Variants in ERCC6L2 observed in about 807,000 individuals in gnomAD.
ERCC6L2 encodes the protein ERCC excision repair 6 like 2, also known as DNA excision repair protein ERCC-6-like 2.
ERCC6L2 carries 77 observed loss-of-function variants against 132.0 expected under a neutral mutation model. The ratio of observed to expected loss-of-function variants is 0.58; its 90% CI spans 0.49 to 0.71. The LOEUF (loss-of-function observed/expected upper bound fraction) is 0.71, where lower values mean the gene tolerates loss of function less well. ERCC6L2 is among the 30% of genes least tolerant of loss of function. ERCC6L2 has a pLI of 0.00. For missense variants in ERCC6L2, 1,542 were observed against 1,837.6 expected, an observed-to-expected ratio of 0.84 and a Z score of 2.94; for synonymous variants, 583 against 632.4, an observed-to-expected ratio of 0.92 and a Z score of 1.17.
intron 18 of ERCC6L2, among the ~76,000 whole-genome samples, chr9:96,008,747 G>T (rs574459725): frequency 6.6e-6 from 1 of 152,336 alleles, no homozygotes; most frequent in South Asian, 2.1e-4. Flanking sequence ...AAGAGTAATC[G>T]TGTTATCTTG....
intron 4 of ERCC6L2, among the ~76,000 whole-genome samples, chr9:95,907,857 C>CACAAACACACACACACACACA: frequency 4.5e-4 from 60 of 133,738 alleles, no homozygotes; most frequent in Non-Finnish European, 6.6e-4. Context: ...ACACACACAC[C>CACAAACACACACACACACACA]CCCACACCCA....
At chr9:96,002,297 G>T (rs1444419109) in intron 17 of ERCC6L2, among the ~76,000 whole-genome samples, 2 of 152,192 alleles carry the variant, frequency 1.3e-5, no homozygotes, top group Admixed American at 6.5e-5. Context: ...GTTTAACTGG[G>T]TATAGAATTC....
chr9:95,962,799 A>G (rs1318445485), intron 13 of ERCC6L2, among the ~76,000 whole-genome samples: 1 of 152,196 alleles, frequency 6.6e-6, no homozygotes, highest in Non-Finnish European at 1.5e-5. Context: ...TCGTAAGTCC[A>G]AAACTCACTT....
At chr9:95,907,855 A>ACACC (rs1268642228) in intron 4 of ERCC6L2, among the ~76,000 whole-genome samples, 26 of 103,760 alleles carry the variant, frequency 2.5e-4, no homozygotes, top group African/African-American at 7.5e-4. Context: ...ACACACACAC[A>ACACC]CCCCCACACC....
At chr9:96,004,394 A>G (rs1833791441) in intron 17 of ERCC6L2, 126 bp from the exon 18 acceptor site, 3 of 462,794 alleles carry the variant, frequency 6.5e-6, no homozygotes, top group Admixed American at 3.8e-5. Flanking sequence ...TCTGACATTG[A>G]TTTCAGTTGG....
chr9:96,007,519 T>G (rs1833900283), intron 18 of ERCC6L2, among the ~76,000 whole-genome samples: 2 of 152,142 alleles, frequency 1.3e-5, no homozygotes, highest in South Asian at 4.2e-4. Flanking sequence ...ATGGCATAAA[T>G]GTTAAAGAGG....
intron 2 of ERCC6L2, among the ~76,000 whole-genome samples, chr9:95,894,455 A>T (rs1828338024): frequency 6.6e-6 from 1 of 151,996 alleles, no homozygotes; most frequent in Admixed American, 6.6e-5. Context: ...TTACTGTCCA[A>T]ACATTTGGAG....
chr9:95,952,166 T>TA lies in ERCC6L2; in HGVS notation c.1848-3729dup, dbSNP rs57310402. Among the ~76,000 whole-genome samples, 138 of 57,712 alleles carry TA rather than the reference T, an allele frequency of 2.4e-3. 4 individuals are homozygous for TA. The East Asian group carries it at 0.039, about 16-fold the overall frequency. The allele number at this position is 57,712 out of a possible 152,430, so 37.9% of individuals were successfully genotyped here. A position where few individuals can be genotyped will look rare whatever the true frequency, so the allele number is the denominator to read the frequency against. On this transcript the variant is annotated intron_variant, in intron 12 of 18. Coordinates refer to ENST00000653738, the MANE Select transcript of ERCC6L2 (RefSeq NM_020207.7). ...CTGGCAACAGAGTGAGACTCCATCT[T>TA]AAAAAAAAAAAAAAAAAAAGAATTT... is the stretch of plus-strand genomic sequence containing the variant.
At chr9:96,022,290 G>T (rs1488984756), downstream of ERCC6L2, among the ~76,000 whole-genome samples, 1 of 152,174 alleles carries the variant, frequency 6.6e-6, no homozygotes, top group Non-Finnish European at 1.5e-5. Context: ...GACCGCGGCG[G>T]GTGCAAGCCT....
At chr9:95,961,201 T>G (rs1271233039) in intron 13 of ERCC6L2, among the ~76,000 whole-genome samples, 1 of 152,122 alleles carries the variant, frequency 6.6e-6, no homozygotes, top group Non-Finnish European at 1.5e-5. Flanking sequence ...TCTTTGCAGA[T>G]GAGGTTAAGA....
intron 9 of ERCC6L2, among the ~76,000 whole-genome samples, chr9:95,927,402 C>G (rs1465714641): frequency 6.6e-6 from 1 of 151,954 alleles, no homozygotes; most frequent in Non-Finnish European, 1.5e-5. Flanking sequence ...CCACATTGTT[C>G]TGGAGCTGTC....
intron 9 of ERCC6L2, among the ~76,000 whole-genome samples, chr9:95,927,823 A>G: frequency 6.6e-6 from 1 of 152,316 alleles, no homozygotes; most frequent in East Asian, 1.9e-4. Context: ...CTTCCTTTTT[A>G]TTAAAACCAG....
At chr9:96,025,679 T>G (rs1834350822) in intron 19 of ERCC6L2, 2 of 152,264 alleles carry the variant, frequency 1.3e-5, no homozygotes. Flanking sequence ...TGAAATGCAG[T>G]ATTAATCATT....
At chr9:95,959,184 G>A (rs113626715) in intron 13 of ERCC6L2, among the ~76,000 whole-genome samples, 44,175 of 144,476 alleles carry the variant, frequency 0.31, 7,234 homozygotes, top group African/African-American at 0.4. Flanking sequence ...AAACAGAGAT[G>A]TAGATCAATG....
chr9:95,964,415 T>C (rs546119003), intron 13 of ERCC6L2, among the ~76,000 whole-genome samples: 4 of 152,206 alleles, frequency 2.6e-5, no homozygotes, highest in African/African-American at 9.7e-5. Flanking sequence ...GATGTTCACA[T>C]TGTAATCCCC....
chr9:95,878,777 A>G (rs1197582894), intron 1 of ERCC6L2, among the ~76,000 whole-genome samples: 1 of 149,630 alleles, frequency 6.7e-6, no homozygotes, highest in African/African-American at 2.5e-5. Context: ...TGTTCTTGCG[A>G]TAGTTTACTG....
At chr9:96,003,112 CATAA>C (rs921338298) in intron 17 of ERCC6L2, among the ~76,000 whole-genome samples, 2 of 152,096 alleles carry the variant, frequency 1.3e-5, no homozygotes, top group Non-Finnish European at 2.9e-5. Context: ...TTTATTCATT[CATAA>C]ATAAATATCT....
chr9:96,020,525 C>T (rs1353677903), downstream of ERCC6L2: 1 of 333,704 alleles, frequency 3.0e-6, no homozygotes, highest in Non-Finnish European at 5.9e-6. Context: ...TCCTAAAATG[C>T]CCTCAAAGAC....
At chr9:96,030,302 C>T (rs905726867) in intron 19 of ERCC6L2, among the ~76,000 whole-genome samples, 12 of 152,000 alleles carry the variant, frequency 7.9e-5, no homozygotes, top group Admixed American at 6.6e-4. Flanking sequence ...ACCCCACCCA[C>T]CCAGCCAGCA....
Sources: allele counts gnomAD v4.1 joint callset (sites outside exome capture counted in the v4.1 genomes callset), GRCh38; gene constraint gnomAD v4.1.1; transcripts MANE v1.5; gene names NCBI Gene and HGNC (gene_info 2026-07-23, HGNC 2026-07-21).